Variants in LAMA2 observed in about 807,000 individuals in gnomAD.
LAMA2 encodes laminin subunit alpha-2.
A neutral mutation model predicts 364.8 loss-of-function variants in LAMA2; 269 were observed. That is an observed-to-expected ratio of 0.74 (90% CI 0.67 to 0.82). The LOEUF is 0.82. Among genes scored for constraint, LAMA2 ranks in the 40% least tolerant of loss-of-function variants. The pLI is 0.00. For missense variants in LAMA2, 3,807 were observed against 3,873.2 expected (o/e 0.98, Z 0.45); for synonymous variants, 1,379 against 1,370.6 (o/e 1.01, Z -0.14).
intron 3 of LAMA2, among the ~76,000 whole-genome samples, chr6:129,089,532 A>C (rs1774674754): frequency 6.6e-6 from 1 of 152,248 alleles, no homozygotes; most frequent in Non-Finnish European, 1.5e-5. Flanking sequence ...AAGGACTGTC[A>C]TGTTCCATGA....
chr6:129,342,421 A>C lies in LAMA2; in HGVS notation c.4390A>C (p.Asn1464His). ...CTATGGAATTGTCAAGGGATTGCCAAATGACTGTCAGCAATGTGCCTGCCC... is the reference window on the plus strand; with the variant it reads ...CTATGGAATTGTCAAGGGATTGCCACATGACTGTCAGCAATGTGCCTGCCC... Reference protein sequence around the residue: ...GYYGIVKGLPNDCQQCACPLI... With the variant: ...GYYGIVKGLPHDCQQCACPLI... Residue 1464 changes from asparagine to histidine, a missense_variant, in exon 30 of 65, where the codon AAT becomes CAT. This residue lies in a region of LAMA2 where 3,333 missense variants were observed against 3,345.7 expected (regional missense o/e 1.00). Transcript: ENST00000421865. The C allele has an allele frequency of 3.1e-6, 5 of 1,613,570 alleles. No individual in the cohort carries two copies. Among genetic ancestry groups the C allele is most frequent in the Non-Finnish European group, 4.2e-6 (5 of 1,179,570 alleles).
At chr6:129,317,402 G>A (rs1386267295) in intron 27 of LAMA2, among the ~76,000 whole-genome samples, 1 of 152,076 alleles carries the variant, frequency 6.6e-6, no homozygotes, top group Admixed American at 6.5e-5. Flanking sequence ...TTTTTCAAAT[G>A]TTTATACTGG....
intron 1 of LAMA2, among the ~76,000 whole-genome samples, chr6:128,932,988 C>G (rs913889503): frequency 6.6e-6 from 1 of 152,054 alleles, no homozygotes; most frequent in African/African-American, 2.4e-5. Context: ...TGACCCAAAC[C>G]TCTCATTTAC....
chr6:129,041,751 C>T (rs1325686129), intron 1 of LAMA2, among the ~76,000 whole-genome samples: 1 of 151,866 alleles, frequency 6.6e-6, no homozygotes. Flanking sequence ...GCCTGTAATC[C>T]CAGGGATTTG....
At chr6:129,099,111 G>A (rs1430673954) in intron 4 of LAMA2, among the ~76,000 whole-genome samples, 1 of 138,222 alleles carries the variant, frequency 7.2e-6, no homozygotes, top group African/African-American at 2.6e-5. Context: ...TGGGGGCGGG[G>A]AGGTTTTTTT....
At chr6:129,475,854 C>T (rs1420694725) in intron 53 of LAMA2, among the ~76,000 whole-genome samples, 1 of 152,162 alleles carries the variant, frequency 6.6e-6, no homozygotes, top group Admixed American at 6.5e-5. Flanking sequence ...TTACCACTGC[C>T]TTCTTGCTTT....
chr6:129,325,558 C>T lies in LAMA2; in HGVS notation c.4177-2720C>T, dbSNP rs897210968. ...GTTTTTTTTTTTAAAAAAAACAGCA[C>T]GTTTTAAGTTTCTAATCTTTGCGTT... On this transcript the variant is annotated intron_variant, in intron 28 of 64. Coordinates refer to ENST00000421865, the MANE Select transcript of LAMA2 (RefSeq NM_000426.4). 4.6e-5 allele frequency among the ~76,000 whole-genome samples: 7 copies of T among 151,410 alleles called. No individual in the cohort carries two copies. In the East Asian group the frequency reaches 1.2e-3, roughly 25 times the overall value.
At chr6:128,943,269 C>CACACAGAGAG (rs1365657711) in intron 1 of LAMA2, among the ~76,000 whole-genome samples, 9 of 143,082 alleles carry the variant, frequency 6.3e-5, no homozygotes, top group African/African-American at 2.3e-4. Context: ...TATATATACA[C>CACACAGAGAG]AGAGAGAGAG....
At chr6:129,499,264 ATTTTT>A (rs986303196) in intron 58 of LAMA2, among the ~76,000 whole-genome samples, 8 of 149,464 alleles carry the variant, frequency 5.4e-5, no homozygotes, top group Non-Finnish European at 1.2e-4. Context: ...GAGACTGTGA[ATTTTT>A]TTTTTTATTA....
chr6:129,328,099 T>C (rs1411637551), intron 28 of LAMA2, among the ~76,000 whole-genome samples, 179 bp from the exon 29 acceptor site: 1 of 152,204 alleles, frequency 6.6e-6, no homozygotes, highest in African/African-American at 2.4e-5. Context: ...CCCGAACACC[T>C]TGGAGACCAG....
chr6:128,916,252 A>G (rs945518335), intron 1 of LAMA2, among the ~76,000 whole-genome samples: 4 of 152,206 alleles, frequency 2.6e-5, no homozygotes, highest in Non-Finnish European at 5.9e-5. Flanking sequence ...TATTTGGCAA[A>G]TTGGGATATG....
chr6:129,153,128 T>C (rs1778913085), intron 7 of LAMA2, among the ~76,000 whole-genome samples: 1 of 152,206 alleles, frequency 6.6e-6, no homozygotes, highest in South Asian at 2.1e-4. Flanking sequence ...TACCCAATCC[T>C]TTCTGGAGAA....
intron 3 of LAMA2, among the ~76,000 whole-genome samples, chr6:129,062,909 T>TG (rs1471425836): frequency 1.6e-5 from 2 of 125,088 alleles, no homozygotes; most frequent in Non-Finnish European, 3.3e-5. Context: ...TAGATTACAG[T>TG]GGGTTTTTTT....
intron 3 of LAMA2, among the ~76,000 whole-genome samples, chr6:129,079,395 G>A (rs1225483222): frequency 3.2e-5 from 2 of 62,318 alleles, no homozygotes; most frequent in Non-Finnish European, 4.8e-5. Context: ...GTCTTAGGAT[G>A]TATCCCCTGA....
intron 15 of LAMA2, 84 bp downstream of exon 15, chr6:129,260,906 T>C (rs1483793941): frequency 2.4e-6 from 2 of 829,266 alleles, no homozygotes; most frequent in East Asian, 2.5e-5. Context: ...AGAGCTGTTT[T>C]TTTTCTATCA....
In LAMA2 at chr6:129,223,235, G is replaced by C. The variant is rs532000090; in HGVS notation, c.1783-26877G>C. 8.5e-5 allele frequency among the ~76,000 whole-genome samples: 13 copies of C among 152,248 alleles called. 1 individual carries two copies. In the South Asian group the frequency reaches 2.5e-3, roughly 29 times the overall value. On this transcript the variant is annotated intron_variant, in intron 12 of 64. Transcript: ENST00000421865. ...TTGTTTGAGTTCTTTGTAGATTCTG[G>C]ATATTAGCCCTTTGTCAGATGAGTA...
At position 129,481,430 on chromosome 6, in the gene LAMA2, G is replaced by C. The variant is rs1275101391; in HGVS notation, c.7740G>C (p.Gln2580His). The change falls in exon 55 of 65, where the codon CAG (glutamine) becomes CAC (histidine). Residue 2580 changes from glutamine (Q) to histidine (H), a missense_variant. Physicochemically the swap from Gln to His is conservative, Grantham distance 24. Transcript: ENST00000421865. ...TPAPPRRKRR[Q>H]TGQAYYAILL... Reference sequence around the variant, plus strand: ...CACCACCTAGGAGAAAACGAAGGCAGACTGGACAGGTACCCTCACACCTAG... The same window carrying C: ...CACCACCTAGGAGAAAACGAAGGCACACTGGACAGGTACCCTCACACCTAG... 1 of 1,613,256 alleles carries C rather than the reference G, an allele frequency of 6.2e-7. No individual in the cohort carries two copies. The highest frequency in any genetic ancestry group is 8.5e-7 in the Non-Finnish European group (1 of 1,179,244).
intron 28 of LAMA2, among the ~76,000 whole-genome samples, chr6:129,325,871 G>A (rs144418131): frequency 3.7e-4 from 57 of 152,114 alleles, no homozygotes; most frequent in East Asian, 1.4e-3. Context: ...ATGGAGTCTC[G>A]CTTTGTCACT....
In LAMA2 at chr6:129,362,326, T is replaced by G. The variant is rs115550427; in HGVS notation, c.4718-3893T>G. Among the ~76,000 whole-genome samples the G allele has an allele frequency of 5.7e-3, 870 of 152,214 alleles. 4 individuals carry two copies. The highest frequency in any genetic ancestry group is 0.02 in the African/African-American group (815 of 41,540). ...CTCTAAACCATTGTTTTTAATGTAT[T>G]CTCCTGTTCCTCACACATCTGTGAG... On this transcript the variant is annotated intron_variant, in intron 32 of 64. Transcript: ENST00000421865.
Sources: gnomAD v4.1 joint callset for allele counts (sites outside exome capture counted in the v4.1 genomes callset) on GRCh38, gnomAD v4.1.1 for gene constraint, gnomAD v4.1.1 regional missense constraint, MANE v1.5 for transcripts, NCBI Gene and HGNC (gene_info 2026-07-23, HGNC 2026-07-21) for gene names.